Variants in PCDH17 observed in about 807,000 individuals in gnomAD.
The protein encoded by PCDH17 is protocadherin-17.
A neutral mutation model predicts 67.7 loss-of-function variants in PCDH17; 21 were observed. The observed-to-expected ratio is 0.31, with a 90% CI of 0.22 to 0.45. The LOEUF (loss-of-function observed/expected upper bound fraction) is 0.45, where lower values mean the gene tolerates loss of function less well. Among genes scored for constraint, PCDH17 ranks in the 20% least tolerant of loss-of-function variants. The pLI, the probability that PCDH17 is intolerant of heterozygous loss-of-function variation, is 1.00. For synonymous variants in PCDH17, 701 were observed against 656.7 expected (o/e 1.07, Z -1.03); for missense variants, 1,471 against 1,564.8 (o/e 0.94, Z 1.01).
chr13:57,646,133 T>A (rs991623425), intron 1 of PCDH17, among the ~76,000 whole-genome samples: 7 of 151,714 alleles, frequency 4.6e-5, no homozygotes, highest in African/African-American at 1.7e-4. Flanking sequence ...AAAATAAAAA[T>A]ATGGTTGGAA....
chr13:57,639,499 C>G (rs1954864619), intron 1 of PCDH17, among the ~76,000 whole-genome samples: 1 of 151,648 alleles, frequency 6.6e-6, no homozygotes, highest in African/African-American at 2.4e-5. Context: ...AGCTAGAAAC[C>G]AGAGAATCTT....
At chr13:57,719,786 A>G (rs1358125383) in intron 3 of PCDH17, among the ~76,000 whole-genome samples, 2 of 152,050 alleles carry the variant, frequency 1.3e-5, no homozygotes, top group African/African-American at 2.4e-5. Flanking sequence ...CTTGGACACT[A>G]CAGAATCAGA....
At chr13:57,635,291 A>G (rs1273951232) in intron 1 of PCDH17, among the ~76,000 whole-genome samples, 180 bp downstream of exon 1, 1 of 152,100 alleles carries the variant, frequency 6.6e-6, no homozygotes, top group Non-Finnish European at 1.5e-5. Context: ...AACCCCTCCC[A>G]TGTAAATAGT....
intron 1 of PCDH17, among the ~76,000 whole-genome samples, chr13:57,660,003 C>T (rs1414941606): frequency 2.0e-5 from 3 of 151,824 alleles, no homozygotes; most frequent in East Asian, 1.9e-4. Flanking sequence ...GAGGCCGAGT[C>T]GGGTGGATCC....
Position 57,635,100 on chromosome 13 carries a change from T to C in PCDH17, c.2554T>C (p.Ser852Pro). Reference sequence around the variant, plus strand: ...AAGCGAGACCCCTGCCACTCGGATGTCCATAATTCAGGTAGGAGACTTTTA... The same window carrying C: ...AAGCGAGACCCCTGCCACTCGGATGCCCATAATTCAGGTAGGAGACTTTTA... Reference protein sequence around the residue: ...NASETPATRMSIIQTDNFPAE... With the variant: ...NASETPATRMPIIQTDNFPAE... Residue 852 changes from serine (S) to proline (P), a missense_variant, in exon 1 of 4, where the codon TCC becomes CCC. Physicochemically the swap from Ser to Pro is moderately conservative, Grantham distance 74. This residue lies in a region of PCDH17 where 1,163 missense variants were observed against 1,230.0 expected (regional missense o/e 0.95). Coordinates refer to ENST00000377918, the MANE Select transcript of PCDH17 (RefSeq NM_001040429.3). 6.2e-7 allele frequency: 1 copy of C among 1,613,202 alleles called. No individual in the cohort carries two copies. The highest frequency in any genetic ancestry group is 8.5e-7 in the Non-Finnish European group (1 of 1,179,932).
chr13:57,641,761 G>A lies in PCDH17; in HGVS notation c.2565+6650G>A, dbSNP rs1488592120. Reference sequence around the variant, plus strand: ...AGTTCATTGAGCATCTAGCATAACTGTGCTGAATATGATTGGCGCGTTTGC... The same window carrying A: ...AGTTCATTGAGCATCTAGCATAACTATGCTGAATATGATTGGCGCGTTTGC... On this transcript the variant is annotated intron_variant, in intron 1 of 3. Coordinates refer to ENST00000377918, the MANE Select transcript of PCDH17 (RefSeq NM_001040429.3). 2.0e-5 allele frequency among the ~76,000 whole-genome samples: 3 copies of A among 150,064 alleles called. No individual in the cohort carries two copies. The Admixed American group carries it at 2.0e-4, about 10-fold the overall frequency.
chr13:57,711,455 G>A (rs1343990757), intron 3 of PCDH17, among the ~76,000 whole-genome samples: 1 of 151,750 alleles, frequency 6.6e-6, no homozygotes, highest in Non-Finnish European at 1.5e-5. Flanking sequence ...TTTCCATCTG[G>A]TATATGAATG....
chr13:57,676,171 G>C (rs1955389224), intron 3 of PCDH17, among the ~76,000 whole-genome samples: 1 of 147,730 alleles, frequency 6.8e-6, no homozygotes, highest in Non-Finnish European at 1.5e-5. Context: ...ATGTTTATTA[G>C]AATTGACTCA....
chr13:57,660,334 G>A (rs1955168338), intron 1 of PCDH17, among the ~76,000 whole-genome samples: 1 of 152,110 alleles, frequency 6.6e-6, no homozygotes, highest in South Asian at 2.1e-4. Flanking sequence ...AAATTCATTT[G>A]TATTCTGTCC....
chr13:57,700,593 G>A (rs1319773202), intron 3 of PCDH17, among the ~76,000 whole-genome samples: 1 of 152,106 alleles, frequency 6.6e-6, no homozygotes, highest in African/African-American at 2.4e-5. Flanking sequence ...GTAGCTGCAA[G>A]GGAAGAAGCT....
At chr13:57,723,048 A>G (rs1335465356) in intron 3 of PCDH17, among the ~76,000 whole-genome samples, 1 of 152,156 alleles carries the variant, frequency 6.6e-6, no homozygotes, top group African/African-American at 2.4e-5. Context: ...TGTAGATAGT[A>G]TTTGCGTCTG....
At chr13:57,697,455 G>C (rs1032086581) in intron 3 of PCDH17, among the ~76,000 whole-genome samples, 13 of 151,398 alleles carry the variant, frequency 8.6e-5, no homozygotes, top group African/African-American at 2.9e-4. Context: ...CATTGATCTT[G>C]CCAAATAAGC....
chr13:57,722,542 C>T (rs1474896649), intron 3 of PCDH17, among the ~76,000 whole-genome samples: 1 of 151,594 alleles, frequency 6.6e-6, no homozygotes, highest in Non-Finnish European at 1.5e-5. Context: ...TTTATGATTC[C>T]CATTTAGAGT....
chr13:57,680,002 A>G (rs1183901774), intron 3 of PCDH17, among the ~76,000 whole-genome samples: 4 of 151,454 alleles, frequency 2.6e-5, no homozygotes, highest in Non-Finnish European at 5.9e-5. Context: ...TAATTCAGTA[A>G]ATATTACTTC....
Position 57,632,525 on chromosome 13 carries a change from GC to G in PCDH17, c.-17del. 26 of 1,605,508 alleles carry G rather than the reference GC, an allele frequency of 1.6e-5. No individual in the cohort carries two copies. The highest frequency in any genetic ancestry group is 2.2e-5 in the Non-Finnish European group (26 of 1,175,634). ...TGGCTCCTCCAGTCCGATTGCTCCT[GC>G]CCCCACCTTACAGGTCTGGGATGTA... is the stretch of plus-strand genomic sequence containing the variant. On this transcript the variant is annotated 5_prime_UTR_variant, in exon 1 of 4. Transcript: ENST00000377918.
At chr13:57,666,929 A>G (rs1305948301) in intron 3 of PCDH17, 96 bp downstream of exon 3, 2 of 919,274 alleles carry the variant, frequency 2.2e-6, no homozygotes, top group East Asian at 5.3e-5. Flanking sequence ...AGTGGAATGG[A>G]CCATTTATAA....
chr13:57,658,104 A>G (rs1225171922), intron 1 of PCDH17, among the ~76,000 whole-genome samples: 4 of 152,160 alleles, frequency 2.6e-5, no homozygotes, highest in African/African-American at 9.7e-5. Flanking sequence ...ATGTTGACAC[A>G]AACATATAAA....
chr13:57,706,450 C>T (rs1290910589), intron 3 of PCDH17, among the ~76,000 whole-genome samples: 1 of 152,018 alleles, frequency 6.6e-6, no homozygotes, highest in African/African-American at 2.4e-5. Flanking sequence ...TTTGAAGTTT[C>T]TTTTTCAACA....
chr13:57,679,518 G>A (rs954029528), intron 3 of PCDH17, among the ~76,000 whole-genome samples: 1 of 151,322 alleles, frequency 6.6e-6, no homozygotes, highest in African/African-American at 2.4e-5. Context: ...AGGATTTGCA[G>A]ACCAATAACA....
Sources: gnomAD v4.1 joint callset for allele counts (sites outside exome capture counted in the v4.1 genomes callset) on GRCh38, gnomAD v4.1.1 for gene constraint, gnomAD v4.1.1 regional missense constraint, MANE v1.5 for transcripts, NCBI Gene and HGNC (gene_info 2026-07-23, HGNC 2026-07-21) for gene names.